The following TMEM150A variants were observed in gnomAD, a reference collection of about 807,000 sequenced individuals.
The protein encoded by TMEM150A is fasting-inducible integral membrane protein TM6P1.
In TMEM150A, 18 loss-of-function variants were observed where a neutral mutation model predicts 29.8. The ratio of observed to expected loss-of-function variants is 0.60; its 90% confidence interval spans 0.42 to 0.90. The LOEUF (loss-of-function observed/expected upper bound fraction) is 0.90, where lower values mean the gene tolerates loss of function less well. Ranked by LOEUF, TMEM150A falls within the 40% of genes least tolerant of loss-of-function variation. TMEM150A has a pLI of 0.00. For missense variants in TMEM150A, 251 were observed against 349.7 expected, an observed-to-expected ratio of 0.72 and a Z score of 2.25; for synonymous variants, 127 against 143.6, an observed-to-expected ratio of 0.88 and a Z score of 0.83.
In TMEM150A at chr2:85,602,672, G is replaced by A. The variant is rs1409468423; in HGVS notation, c.-182C>T. ...CCCTCGTGGCGCCGACTCTAGCTGC[G>A]GCCCTCGGAGCAGCCCTGAAAGGTT... On this transcript the variant is annotated 5_prime_UTR_variant, in exon 1 of 8. Transcript: ENST00000334462. This position sits in a 1 kb window ranked among gnomAD's most constrained non-coding sequence, Gnocchi z 5.6. 1 of 152,546 alleles carries A rather than the reference G, an allele frequency of 6.6e-6. No individual in the cohort carries two copies. Among genetic ancestry groups the A allele is most frequent in the Non-Finnish European group, 1.5e-5 (1 of 68,376 alleles). The allele number at this position is 152,546 out of a possible 1,614,324, so 9.4% of individuals were successfully genotyped here. A position where few individuals can be genotyped will look rare whatever the true frequency, so the allele number is the denominator to read the frequency against.
In TMEM150A at chr2:85,599,437, G is replaced by GT; in HGVS notation, c.574+87dup. On this transcript the variant is annotated intron_variant, in intron 7 of 7. Coordinates refer to ENST00000334462, the MANE Select transcript of TMEM150A (RefSeq NM_001031738.3). The surrounding 1 kb of genome is among the most constrained non-coding windows in gnomAD (Gnocchi z 6.0). ...TGTTAGTCCTCTCCCCCACATGGCA[G>GT]TGTTAGGCCTCCACCCCCCATCCTC... The GT allele has an allele frequency of 6.4e-7, 1 of 1,566,948 alleles. No individual in the cohort carries two copies. Among genetic ancestry groups the GT allele is most frequent in the Non-Finnish European group, 8.6e-7 (1 of 1,156,572 alleles).
At position 85,598,928 on chromosome 2, in the gene TMEM150A, G is replaced by A; in HGVS notation, c.*148C>T. ...CAGGGCCCACTCCTCCATGGCACAGGTGGGCATGGGATGGCCACTTCTCCA... is the reference window on the plus strand; with the variant it reads ...CAGGGCCCACTCCTCCATGGCACAGATGGGCATGGGATGGCCACTTCTCCA... On this transcript the variant is annotated 3_prime_UTR_variant, in exon 8 of 8. Transcript: ENST00000334462. 8.4e-7 allele frequency: 1 copy of A among 1,187,152 alleles called. No individual in the cohort carries two copies. The highest frequency in any genetic ancestry group is 1.6e-5 in the South Asian group (1 of 64,250). The allele number at this position is 1,187,152 out of a possible 1,614,324, so 73.5% of individuals were successfully genotyped here. A position where few individuals can be genotyped will look rare whatever the true frequency, so the allele number is the denominator to read the frequency against.
chr2:85,598,975 C>T lies in TMEM150A; in HGVS notation c.*101G>A. On this transcript the variant is annotated 3_prime_UTR_variant, in exon 8 of 8. Coordinates refer to ENST00000334462, the MANE Select transcript of TMEM150A (RefSeq NM_001031738.3). ...TCCAGAAGTGAGGAAGCCCAGATCC[C>T]AACAGAATACTTTCTCAAAATTGTT... is the stretch of plus-strand genomic sequence containing the variant. 3 of 1,501,678 alleles carry T rather than the reference C, an allele frequency of 2.0e-6. No homozygotes were observed. The highest frequency in any genetic ancestry group is 2.7e-6 in the Non-Finnish European group (3 of 1,119,668). The allele number at this position is 1,501,678 out of a possible 1,614,324, so 93.0% of individuals were successfully genotyped here. A position where few individuals can be genotyped will look rare whatever the true frequency, so the allele number is the denominator to read the frequency against.
chr2:85,601,923 A>T lies in TMEM150A; in HGVS notation c.26T>A (p.Val9Asp). MTAWILLP[V>D]SLSAFSITGI... ...AGTGATGGAGAACGCTGACAGGCTG[A>T]CAGGCAGGAGGATCCAGGCGGTCAT... is the stretch of plus-strand genomic sequence containing the variant. Residue 9 changes from valine (V) to aspartate (D), a missense_variant, in exon 2 of 8, where the codon GTC becomes GAC. Physicochemically the swap from Val to Asp is radical, Grantham distance 152. Transcript: ENST00000334462. This position sits in a 1 kb window ranked among gnomAD's most constrained non-coding sequence, Gnocchi z 4.0. 1 of 1,614,044 alleles carries T rather than the reference A, an allele frequency of 6.2e-7. No homozygotes were observed. Among genetic ancestry groups the T allele is most frequent in the Non-Finnish European group, 8.5e-7 (1 of 1,179,964 alleles).
chr2:85,601,164 C>T lies in TMEM150A; in HGVS notation c.114-57G>A. 1 of 1,564,672 alleles carries T rather than the reference C, an allele frequency of 6.4e-7. No individual in the cohort carries two copies. The highest frequency in any genetic ancestry group is 2.0e-4 in the Middle Eastern group (1 of 4,926). On this transcript the variant is annotated intron_variant, in intron 3 of 7. Coordinates refer to ENST00000334462, the MANE Select transcript of TMEM150A (RefSeq NM_001031738.3). The surrounding 1 kb of genome is among the most constrained non-coding windows in gnomAD (Gnocchi z 4.0). Reference sequence around the variant, plus strand: ...AAGGGACTGCCCCCAGGCCCTTGGCCTATAGCCTCAGGCCTCAAAGAGGAC... The same window carrying T: ...AAGGGACTGCCCCCAGGCCCTTGGCTTATAGCCTCAGGCCTCAAAGAGGAC...
Position 85,600,212 on chromosome 2 carries a change from C to T in TMEM150A, c.268+133G>A, listed in dbSNP as rs1334728952. 3.0e-6 allele frequency: 4 copies of T among 1,319,962 alleles called. No homozygotes were observed. In the African/African-American group the frequency reaches 4.4e-5, roughly 14 times the overall value. The allele number at this position is 1,319,962 out of a possible 1,614,324, so 81.8% of individuals were successfully genotyped here. On this transcript the variant is annotated intron_variant, in intron 5 of 7. Coordinates refer to ENST00000334462, the MANE Select transcript of TMEM150A (RefSeq NM_001031738.3). ...TGTGTGGGAGTCAGCTTTTGGCCTTCAAGGAAGGGGAGAAGCTGCCTCTAT... is the reference window on the plus strand; with the variant it reads ...TGTGTGGGAGTCAGCTTTTGGCCTTTAAGGAAGGGGAGAAGCTGCCTCTAT...
intron 5 of TMEM150A, 86 bp downstream of exon 5, chr2:85,600,259 G>T: frequency 6.6e-7 from 1 of 1,511,670 alleles, no homozygotes. Flanking sequence ...TTGGTGGGGA[G>T]GGCTGCACAG....
Position 85,599,063 on chromosome 2 carries a change from C to G in TMEM150A, c.*13G>C. ...GGTGCTGTGGAGGCCGGGCCAGCCA[C>G]CCTCCCCAGACCTTAGATCATAGCG... On this transcript the variant is annotated 3_prime_UTR_variant, in exon 8 of 8. Coordinates refer to ENST00000334462, the MANE Select transcript of TMEM150A (RefSeq NM_001031738.3). The surrounding 1 kb of genome is among the most constrained non-coding windows in gnomAD (Gnocchi z 6.0). 1 of 1,603,018 alleles carries G rather than the reference C, an allele frequency of 6.2e-7. No individual in the cohort carries two copies. The highest frequency in any genetic ancestry group is 8.5e-7 in the Non-Finnish European group (1 of 1,171,690).
Position 85,599,437 on chromosome 2 carries a change from G to C in TMEM150A, c.574+88C>G, listed in dbSNP as rs1191360216. 11 of 1,566,830 alleles carry C rather than the reference G, an allele frequency of 7.0e-6. No individual in the cohort carries two copies. Among genetic ancestry groups the C allele is most frequent in the Non-Finnish European group, 8.6e-6 (10 of 1,156,580 alleles). On this transcript the variant is annotated intron_variant, in intron 7 of 7. Transcript: ENST00000334462. This position sits in a 1 kb window ranked among gnomAD's most constrained non-coding sequence, Gnocchi z 6.0. Reference sequence around the variant, plus strand: ...TGTTAGTCCTCTCCCCCACATGGCAGTGTTAGGCCTCCACCCCCCATCCTC... The same window carrying C: ...TGTTAGTCCTCTCCCCCACATGGCACTGTTAGGCCTCCACCCCCCATCCTC...
intron 4 of TMEM150A, 66 bp from the exon 5 acceptor site, chr2:85,600,478 C>A: frequency 8.4e-7 from 1 of 1,197,514 alleles, no homozygotes; most frequent in Admixed American, 1.7e-5. Context: ...CATTTTGGCT[C>A]ACTGGCTCTC....
At position 85,598,915 on chromosome 2, in the gene TMEM150A, C is replaced by T. The variant is rs1672767058; in HGVS notation, c.*161G>A. The T allele has an allele frequency of 1.9e-6, 2 of 1,080,742 alleles. No homozygotes were observed. The highest frequency in any genetic ancestry group is 1.3e-6 in the Non-Finnish European group (1 of 773,448). The allele number at this position is 1,080,742 out of a possible 1,614,324, so 66.9% of individuals were successfully genotyped here. ...CTGTGGCAGCTGGCAGGGCCCACTC[C>T]TCCATGGCACAGGTGGGCATGGGAT... On this transcript the variant is annotated 3_prime_UTR_variant, in exon 8 of 8. Coordinates refer to ENST00000334462, the MANE Select transcript of TMEM150A (RefSeq NM_001031738.3).
chr2:85,602,106 G>A lies in TMEM150A; in HGVS notation c.-116-42C>T. On this transcript the variant is annotated intron_variant, in intron 1 of 7. Coordinates refer to ENST00000334462, the MANE Select transcript of TMEM150A (RefSeq NM_001031738.3). The surrounding 1 kb of genome is among the most constrained non-coding windows in gnomAD (Gnocchi z 5.6). Reference sequence around the variant, plus strand: ...AAAGTCCAGGAGTGGGTAACTGGCCGGGAAGGGGGAGGGGAAGGGGGTCAA... The same window carrying A: ...AAAGTCCAGGAGTGGGTAACTGGCCAGGAAGGGGGAGGGGAAGGGGGTCAA... 1 of 660,664 alleles carries A rather than the reference G, an allele frequency of 1.5e-6. No individual in the cohort carries two copies. The highest frequency in any genetic ancestry group is 2.8e-6 in the Non-Finnish European group (1 of 363,440). 40.9% of individuals were successfully genotyped at this position (660,664 alleles called of 1,614,324 possible).
At position 85,598,871 on chromosome 2, in the gene TMEM150A, G is replaced by T; in HGVS notation, c.*205C>A. 1 of 710,394 alleles carries T rather than the reference G, an allele frequency of 1.4e-6. No individual in the cohort carries two copies. The highest frequency in any genetic ancestry group is 1.9e-5 in the South Asian group (1 of 51,516). 44.0% of individuals were successfully genotyped at this position (710,394 alleles called of 1,614,324 possible). On this transcript the variant is annotated 3_prime_UTR_variant, in exon 8 of 8. Coordinates refer to ENST00000334462, the MANE Select transcript of TMEM150A (RefSeq NM_001031738.3). The stretch of plus-strand genomic sequence containing the variant: ...TAAAAACAAAACGACACCGTGGGGT[G>T]GGGAAGCAGGTCATGCAGCTGTGGC...
chr2:85,600,595 C>T (rs1672879340), intron 4 of TMEM150A, 183 bp from the exon 5 acceptor site: 1 of 614,208 alleles, frequency 1.6e-6, no homozygotes, highest in Non-Finnish European at 3.0e-6. Context: ...CAAAGCAGAG[C>T]TCATGTGTGT....
Position 85,601,931 on chromosome 2 carries a change from G to A in TMEM150A, c.18C>T (p.Leu6=), listed in dbSNP as rs1672992088. The change falls in exon 2 of 8, where the codon CTC becomes CTT. Residue 6 remains leucine (L), a synonymous_variant. Transcript: ENST00000334462. The surrounding 1 kb of genome is among the most constrained non-coding windows in gnomAD (Gnocchi z 4.0). MTAWI[L]LPVSLSAFSI... is the part of the protein sequence containing the mutation. ...AGAACGCTGACAGGCTGACAGGCAG[G>A]AGGATCCAGGCGGTCATGAGGGAGG... is the stretch of plus-strand genomic sequence containing the variant. The A allele has an allele frequency of 1.2e-6, 2 of 1,613,994 alleles. No homozygotes were observed. The highest frequency in any genetic ancestry group is 1.3e-5 in the African/African-American group (1 of 74,928).
At position 85,601,148 on chromosome 2, in the gene TMEM150A, CCCCCAGGCCCTTGGCCTATAG is replaced by C. The variant is rs751229987; in HGVS notation, c.114-62_114-42del. 6.3e-6 allele frequency: 10 copies of C among 1,587,676 alleles called. No individual in the cohort carries two copies. The highest frequency in any genetic ancestry group is 6.9e-6 in the Non-Finnish European group (8 of 1,161,660). On this transcript the variant is annotated intron_variant, in intron 3 of 7. Transcript: ENST00000334462. This position sits in a 1 kb window ranked among gnomAD's most constrained non-coding sequence, Gnocchi z 4.0. ...GGGAGTAGACTGGGGGAAGGGACTG[CCCCCAGGCCCTTGGCCTATAG>C]CCTCAGGCCTCAAAGAGGACTCTCT...
Position 85,602,182 on chromosome 2 carries a change from G to C in TMEM150A, c.-116-118C>G, listed in dbSNP as rs1425863721. 3 of 502,180 alleles carry C rather than the reference G, an allele frequency of 6.0e-6. No individual in the cohort carries two copies. In the Admixed American group the frequency reaches 9.9e-5, roughly 17 times the overall value. The allele number at this position is 502,180 out of a possible 1,614,324, so 31.1% of individuals were successfully genotyped here. ...TCTCTGAGCGTCCAAAGTTTGGGCT[G>C]AGCCCACGGCAGAACGTGAACACCC... On this transcript the variant is annotated intron_variant, in intron 1 of 7. Transcript: ENST00000334462. This position sits in a 1 kb window ranked among gnomAD's most constrained non-coding sequence, Gnocchi z 5.6.
chr2:85,599,376 C>T lies in TMEM150A; in HGVS notation c.575-59G>A. The T allele has an allele frequency of 1.2e-6, 2 of 1,602,620 alleles. No individual in the cohort carries two copies. The highest frequency in any genetic ancestry group is 2.2e-5 in the South Asian group (2 of 89,880). Reference sequence around the variant, plus strand: ...ATACGGAAACCTGGCAACACCCCTTCTGCAGTCTCAGGCCTCACCTCTCCA... The same window carrying T: ...ATACGGAAACCTGGCAACACCCCTTTTGCAGTCTCAGGCCTCACCTCTCCA... On this transcript the variant is annotated intron_variant, in intron 7 of 7. Transcript: ENST00000334462. This position sits in a 1 kb window ranked among gnomAD's most constrained non-coding sequence, Gnocchi z 6.0.
In TMEM150A at chr2:85,599,630, G is replaced by C. The variant is rs771489021; in HGVS notation, c.469C>G (p.Leu157Val). 1.9e-6 allele frequency: 3 copies of C among 1,613,818 alleles called. No individual in the cohort carries two copies. In the South Asian group the frequency reaches 3.3e-5, roughly 18 times the overall value. The change falls in exon 7 of 8, where the codon CTG becomes GTG. Residue 157 changes from leucine to valine, a missense_variant. Coordinates refer to ENST00000334462, the MANE Select transcript of TMEM150A (RefSeq NM_001031738.3). The surrounding 1 kb of genome is among the most constrained non-coding windows in gnomAD (Gnocchi z 6.0). ...CCTTGGTAGGAGAGAGCACAGTGCA[G>C]GCAAACAAAGAGCAGCCCCGCAGGG... ...AFPAGLLFVC[L>V]HCALSYQGAT...
Sources: allele counts gnomAD v4.1 joint callset, GRCh38; gene constraint gnomAD v4.1.1; non-coding constraint Gnocchi (gnomAD v3.1); transcripts MANE v1.5; gene names NCBI Gene and HGNC (gene_info 2026-07-23, HGNC 2026-07-21).